The following ADGRV1 variants were observed in gnomAD, a reference collection of about 807,000 sequenced individuals.
The protein encoded by ADGRV1 is G-protein coupled receptor 98.
In ADGRV1, 359 loss-of-function variants were observed where a neutral mutation model predicts 596.2. That is an observed-to-expected ratio of 0.60 (90% confidence interval 0.55 to 0.66). The LOEUF is 0.66. Among genes scored for constraint, ADGRV1 ranks in the 30% least tolerant of loss-of-function variants. The pLI is 0.00. For synonymous variants in ADGRV1, 2,681 were observed against 2,679.2 expected (o/e 1.00, Z -0.02); for missense variants, 7,274 against 7,575.6 (o/e 0.96, Z 1.48).
intron 87 of ADGRV1, among the ~76,000 whole-genome samples, chr5:91,131,659 ATTTG>A (rs1794231203): frequency 6.6e-6 from 1 of 151,698 alleles, no homozygotes; most frequent in Non-Finnish European, 1.5e-5. Context: ...TTTTCTGTTG[ATTTG>A]TTTAAGTTAC....
chr5:91,027,027 A>C (rs1291911423), intron 85 of ADGRV1, among the ~76,000 whole-genome samples: 1 of 152,004 alleles, frequency 6.6e-6, no homozygotes, highest in East Asian at 1.9e-4. Context: ...CTGTAGTCCC[A>C]GCTACTCAGG....
At chr5:90,727,773 C>T (rs1414393049) in intron 48 of ADGRV1, among the ~76,000 whole-genome samples, 4 of 152,164 alleles carry the variant, frequency 2.6e-5, no homozygotes, top group African/African-American at 9.7e-5. Context: ...CCATGATGAT[C>T]TTACCTCTCC....
intron 89 of ADGRV1, among the ~76,000 whole-genome samples, chr5:91,154,484 A>G (rs1446086164): frequency 6.6e-6 from 1 of 152,226 alleles, no homozygotes; most frequent in Admixed American, 6.5e-5. Flanking sequence ...CCAAGGTTAC[A>G]TAGTTAAGCG....
intron 21 of ADGRV1, 71 bp from the exon 22 acceptor site, chr5:90,672,475 A>C: frequency 4.8e-6 from 6 of 1,249,072 alleles, no homozygotes; most frequent in Non-Finnish European, 6.8e-6. Flanking sequence ...AAAGGATTTC[A>C]TGGAAGCATT....
intron 87 of ADGRV1, among the ~76,000 whole-genome samples, chr5:91,127,025 A>G (rs770488583): frequency 6.6e-6 from 1 of 152,206 alleles, no homozygotes; most frequent in Non-Finnish European, 1.5e-5. Context: ...TAACCAAATA[A>G]TACACAAGGT....
rs1047782967 is a variant in ADGRV1, at chr5:90,776,474, G to A, written c.12425G>A (p.Arg4142Gln). 23 of 1,612,622 alleles carry A rather than the reference G, an allele frequency of 1.4e-5. No individual in the cohort carries two copies. The highest frequency in any genetic ancestry group is 2.2e-5 in the South Asian group (2 of 90,996). ...PVKGSASIII[R>Q]GDKRASGEVG... is the part of the protein sequence containing the mutation. Reference sequence around the variant, plus strand: ...TTAGGTAGTGCATCAATAATTATTCGGGGTGATAAGCGAGCATCAGGAGAA... The same window carrying A: ...TTAGGTAGTGCATCAATAATTATTCAGGGTGATAAGCGAGCATCAGGAGAA... The change falls in exon 61 of 90, where the codon CGG (arginine) becomes CAG (glutamine). Residue 4142 changes from arginine to glutamine, a missense_variant. Transcript: ENST00000405460.
Position 90,783,152 on chromosome 5 carries a change from C to G in ADGRV1, c.13260C>G (p.Ile4420Met). 2 of 1,613,500 alleles carry G rather than the reference C, an allele frequency of 1.2e-6. No homozygotes were observed. Among genetic ancestry groups the G allele is most frequent in the Non-Finnish European group, 8.5e-7 (1 of 1,179,572 alleles). Residue 4420 changes from isoleucine (I) to methionine (M), a missense_variant, in exon 66 of 90, where the codon ATC becomes ATG. By Grantham distance (10) the Ile-to-Met change is conservative (BLOSUM62 1). Coordinates refer to ENST00000405460, the MANE Select transcript of ADGRV1 (RefSeq NM_032119.4). ...AGGAAGATGTTGGGCTGATCATGAT[C>G]CCAGTGGTGAGGCTACATGGAACTT... ...EVEEDVGLIM[I>M]PVVRLHGTYG...
chr5:90,745,857 T>G (rs1754570800), intron 52 of ADGRV1, 62 bp downstream of exon 52: 1 of 902,244 alleles, frequency 1.1e-6, no homozygotes, highest in African/African-American at 1.6e-5. Flanking sequence ...TATTTGTGTA[T>G]TAGCTATTAT....
At chr5:90,968,224 AAGAGTGTTC>A (rs1198063457) in intron 84 of ADGRV1, among the ~76,000 whole-genome samples, 3 of 152,208 alleles carry the variant, frequency 2.0e-5, no homozygotes, top group Non-Finnish European at 4.4e-5. Context: ...GATTCAGGTT[AAGAGTGTTC>A]ATAGCAATAA....
intron 76 of ADGRV1, among the ~76,000 whole-genome samples, chr5:90,826,680 C>G (rs757510186): frequency 1.3e-5 from 2 of 152,126 alleles, no homozygotes; most frequent in Non-Finnish European, 2.9e-5. Flanking sequence ...TGAGTAATAA[C>G]TACATCAACA....
At chr5:90,606,494 A>T (rs1420961294) in intron 1 of ADGRV1, among the ~76,000 whole-genome samples, 1 of 152,202 alleles carries the variant, frequency 6.6e-6, no homozygotes, top group African/African-American at 2.4e-5. Flanking sequence ...GCAAATAGCG[A>T]CAACTACAAA....
intron 84 of ADGRV1, among the ~76,000 whole-genome samples, chr5:90,975,699 G>C (rs1212666901): frequency 3.9e-5 from 6 of 152,106 alleles, no homozygotes; most frequent in Non-Finnish European, 8.8e-5. Context: ...ACCGGGGCCT[G>C]TCCTGGGGTC....
chr5:90,926,254 T>C (rs1259497372), intron 83 of ADGRV1, among the ~76,000 whole-genome samples: 1 of 152,124 alleles, frequency 6.6e-6, no homozygotes, highest in Admixed American at 6.5e-5. Flanking sequence ...TGTGAATCCA[T>C]CTGGTCCTGG....
chr5:91,079,172 G>A (rs1789115227), intron 86 of ADGRV1, among the ~76,000 whole-genome samples: 1 of 152,100 alleles, frequency 6.6e-6, no homozygotes, highest in African/African-American at 2.4e-5. Flanking sequence ...CCTGTTTGCA[G>A]TCTACTCCAA....
chr5:90,848,903 A>G (rs1424811681), intron 79 of ADGRV1, 82 bp downstream of exon 79: 2 of 958,738 alleles, frequency 2.1e-6, no homozygotes, highest in African/African-American at 1.7e-5. Flanking sequence ...GCAAAATGAC[A>G]TTTAGATGAT....
At chr5:91,157,229 C>T (rs888609680) in intron 89 of ADGRV1, among the ~76,000 whole-genome samples, 8 of 152,184 alleles carry the variant, frequency 5.3e-5, no homozygotes, top group Non-Finnish European at 1.0e-4. Context: ...TTCATTTGAA[C>T]CCCTAAACAA....
At chr5:90,566,879 C>T (rs1024665171) in intron 1 of ADGRV1, among the ~76,000 whole-genome samples, 1 of 152,066 alleles carries the variant, frequency 6.6e-6, no homozygotes, top group Non-Finnish European at 1.5e-5. Context: ...AGCTGAGATC[C>T]TTGTCTTGTC....
At chr5:90,726,379 A>T (rs1029996785) in intron 48 of ADGRV1, among the ~76,000 whole-genome samples, 1 of 152,200 alleles carries the variant, frequency 6.6e-6, no homozygotes, top group Admixed American at 6.5e-5. Context: ...GCTTAAAAAG[A>T]AATTCCTCCC....
At chr5:91,059,963 A>T (rs958886368) in intron 85 of ADGRV1, among the ~76,000 whole-genome samples, 1 of 152,064 alleles carries the variant, frequency 6.6e-6, no homozygotes, top group Non-Finnish European at 1.5e-5. Context: ...TAGATATCTT[A>T]GTACATTTTT....
Sources: allele counts gnomAD v4.1 joint callset (sites outside exome capture counted in the v4.1 genomes callset), GRCh38; gene constraint gnomAD v4.1.1; transcripts MANE v1.5; gene names NCBI Gene and HGNC (gene_info 2026-07-23, HGNC 2026-07-21).